The following CFAP46 variants were observed in gnomAD, a reference collection of about 807,000 sequenced individuals.
CFAP46 encodes cilia- and flagella-associated protein 46.
A neutral mutation model predicts 325.7 loss-of-function variants in CFAP46; 245 were observed. That is an observed-to-expected ratio of 0.75 (90% confidence interval 0.68 to 0.84). The LOEUF (loss-of-function observed/expected upper bound fraction) is 0.84, where lower values mean the gene tolerates loss of function less well. CFAP46 is among the 40% of genes least tolerant of loss of function. The pLI is 0.00. For synonymous variants in CFAP46, 1,523 were observed against 1,495.9 expected (o/e 1.02, Z -0.42); for missense variants, 3,346 against 3,543.0 (o/e 0.94, Z 1.41).
chr10:132,853,031 A>G (rs1043838572), intron 39 of CFAP46, among the ~76,000 whole-genome samples: 1 of 152,142 alleles, frequency 6.6e-6, no homozygotes, highest in African/African-American at 2.4e-5. Flanking sequence ...TCCAATCTGG[A>G]TGCTTTTAAT....
At chr10:132,811,596 C>T (rs1042228774) in intron 55 of CFAP46, among the ~76,000 whole-genome samples, 7 of 152,320 alleles carry the variant, frequency 4.6e-5, no homozygotes, top group Non-Finnish European at 7.4e-5. Flanking sequence ...CAACCCTGGG[C>T]GCTGCCCACT....
rs1054718625 is a variant in CFAP46 at position 132,832,588 on chromosome 10, T to C, written c.7117+770A>G. The C allele has an allele frequency of 2.8e-6, 1 of 351,622 alleles. No individual in the cohort carries two copies. The highest frequency in any genetic ancestry group is 2.1e-5 in the South Asian group (1 of 47,812). 21.8% of individuals were successfully genotyped at this position (351,622 alleles called of 1,614,324 possible). ...GAAGAACGAATCTGGTCCCTGTTACTTCATCTGAGATGGAAGCAAAAGTCC... is the reference window on the plus strand; with the variant it reads ...GAAGAACGAATCTGGTCCCTGTTACCTCATCTGAGATGGAAGCAAAAGTCC... On this transcript the variant is annotated intron_variant, in intron 50 of 57. Transcript: ENST00000368586. The surrounding 1 kb of genome is among the most constrained non-coding windows in gnomAD (Gnocchi z 4.1).
At chr10:132,875,029 C>T (rs144460909) in intron 31 of CFAP46, among the ~76,000 whole-genome samples, 22 of 152,184 alleles carry the variant, frequency 1.4e-4, no homozygotes, top group African/African-American at 5.3e-4. Flanking sequence ...AATCTACAGA[C>T]AAATTACTAA....
rs1848257095 is a variant in CFAP46 at position 132,836,823 on chromosome 10, CCT to C, written c.6528_6529del (p.Asp2178GlnfsTer62). On this transcript the variant is annotated frameshift_variant, in exon 45 of 58. Transcript: ENST00000368586. LOFTEE classifies it high-confidence loss of function. ...CAAGAAGGAGCGGCTTTACCTGTCC[CCT>C]GAGAGGTGCAGAAAGAGGATCCAAA... 1.9e-6 allele frequency: 3 copies of C among 1,613,434 alleles called. No individual in the cohort carries two copies. Among genetic ancestry groups the C allele is most frequent in the Non-Finnish European group, 2.5e-6 (3 of 1,179,744 alleles).
rs774102311 is a variant in CFAP46, at chr10:132,836,188, T to A, written c.6567A>T (p.Lys2189Asn). 109 of 1,608,628 alleles carry A rather than the reference T, an allele frequency of 6.8e-5. No individual in the cohort carries two copies. Among genetic ancestry groups the A allele is most frequent in the Non-Finnish European group, 9.1e-5 (107 of 1,178,844 alleles). ...CTTTGGCTGCAGTAATGAACTTGGG[T>A]TTCTCGTAGGCAGCGCCGTACAGAC... ...RSRLYGAAYE[K>N]PKFITAAKGK... The change falls in exon 46 of 58, where the codon AAA (lysine) becomes AAT (asparagine). Residue 2189 changes from lysine to asparagine, a missense_variant. Transcript: ENST00000368586.
chr10:132,909,703 C>T (rs1411078831), intron 20 of CFAP46, among the ~76,000 whole-genome samples: 17 of 152,256 alleles, frequency 1.1e-4, no homozygotes, highest in Non-Finnish European at 7.3e-5. Flanking sequence ...CCCAGCAGCT[C>T]ACAGACCCCG....
rs1202530853 is a variant in CFAP46, at chr10:132,877,884, C to T, written c.4209G>A (p.Lys1403=). 6.5e-7 allele frequency: 1 copy of T among 1,549,232 alleles called. No individual in the cohort carries two copies. Among genetic ancestry groups the T allele is most frequent in the South Asian group, 1.2e-5 (1 of 83,776 alleles). Residue 1403 remains lysine (K), a synonymous_variant, in exon 30 of 58, where the codon AAG becomes AAA. Coordinates refer to ENST00000368586, the MANE Select transcript of CFAP46 (RefSeq NM_001200049.3). This position sits in a 1 kb window ranked among gnomAD's most constrained non-coding sequence, Gnocchi z 5.7. ...KGKEEKVKEP[K]QSQSPAPIKQ... ...ACCGTGGCCACTTGGGCATCACCTG[C>T]TTGGGCTCCTTGACTTTCTCCTCCT...
rs149179256 is a variant in CFAP46, at chr10:132,828,843, C to A, written c.7117+4515G>T. Reference sequence around the variant, plus strand: ...GCCACTCATGGAGATGCCCTTCCTCCGCTCAGCGTCCTCGTCCCTTTGCCA... The same window carrying A: ...GCCACTCATGGAGATGCCCTTCCTCAGCTCAGCGTCCTCGTCCCTTTGCCA... On this transcript the variant is annotated intron_variant, in intron 50 of 57. Transcript: ENST00000368586. This position sits in a 1 kb window ranked among gnomAD's most constrained non-coding sequence, Gnocchi z 4.9. 6.6e-6 allele frequency among the ~76,000 whole-genome samples: 1 copy of A among 152,100 alleles called. No homozygotes were observed. Among genetic ancestry groups the A allele is most frequent in the Non-Finnish European group, 1.5e-5 (1 of 68,024 alleles).
rs1234283170 is a variant in CFAP46 at position 132,866,726 on chromosome 10, C to A, written c.4744-555G>T. On this transcript the variant is annotated intron_variant, in intron 34 of 57. Coordinates refer to ENST00000368586, the MANE Select transcript of CFAP46 (RefSeq NM_001200049.3). Reference sequence around the variant, plus strand: ...TTCTGGATCCAGGTCCTGTGCTGAGCCCCTGTCCTGTCCTGACTGCCAGGT... The same window carrying A: ...TTCTGGATCCAGGTCCTGTGCTGAGACCCTGTCCTGTCCTGACTGCCAGGT... Among the ~76,000 whole-genome samples, 3 of 152,222 alleles carry A rather than the reference C, an allele frequency of 2.0e-5. No homozygotes were observed. In the South Asian group the frequency reaches 6.2e-4, roughly 31 times the overall value.
In CFAP46 at chr10:132,833,589, G is replaced by A. The variant is rs1021126706; in HGVS notation, c.6950-64C>T. 5.2e-6 allele frequency: 8 copies of A among 1,542,408 alleles called. No individual in the cohort carries two copies. In the Admixed American group the frequency reaches 1.5e-4, roughly 29 times the overall value. ...CGGGACCCCTCCCACGGGGTCGCAG[G>A]GCTCCGTCTTCTGACTTGGCTGCTG... On this transcript the variant is annotated intron_variant, in intron 49 of 57. Transcript: ENST00000368586.
At chr10:132,892,695 C>G (rs1235133330) in intron 24 of CFAP46, among the ~76,000 whole-genome samples, 1 of 152,224 alleles carries the variant, frequency 6.6e-6, no homozygotes, top group Non-Finnish European at 1.5e-5. Flanking sequence ...TAAAAACCCA[C>G]TTGGAACTGC....
intron 44 of CFAP46, among the ~76,000 whole-genome samples, chr10:132,839,829 A>C (rs1196484205): frequency 6.6e-6 from 1 of 152,190 alleles, no homozygotes; most frequent in African/African-American, 2.4e-5. Flanking sequence ...ATATTGAACC[A>C]CATGGAACAC....
At chr10:132,811,172 G>A in intron 55 of CFAP46, 141 bp from the exon 56 acceptor site, 3 of 725,122 alleles carry the variant, frequency 4.1e-6, no homozygotes, top group Non-Finnish European at 6.9e-6. Flanking sequence ...CCGACCTCAT[G>A]ACCGTCAGGT....
rs766834466 is a variant in CFAP46 at position 132,847,262 on chromosome 10, G to A, written c.6012C>T (p.Ala2004=). 1 of 1,613,488 alleles carries A rather than the reference G, an allele frequency of 6.2e-7. No individual in the cohort carries two copies. The highest frequency in any genetic ancestry group is 1.1e-5 in the South Asian group (1 of 91,072). Residue 2004 remains alanine (A), a synonymous_variant, in exon 42 of 58, where the codon GCC becomes GCT. Coordinates refer to ENST00000368586, the MANE Select transcript of CFAP46 (RefSeq NM_001200049.3). This position sits in a 1 kb window ranked among gnomAD's most constrained non-coding sequence, Gnocchi z 5.2. ...CCGGCGGGTCCCTGCTGGACTTTGTGGCACCCTCTTCCTCTACCTCCAGCT... is the reference window on the plus strand; with the variant it reads ...CCGGCGGGTCCCTGCTGGACTTTGTAGCACCCTCTTCCTCTACCTCCAGCT... ...SLELEVEEEG[A]TKSSRDPPAS...
intron 39 of CFAP46, 114 bp downstream of exon 39, chr10:132,857,476 T>A (rs923297207): frequency 9.7e-7 from 1 of 1,028,314 alleles, no homozygotes; most frequent in Non-Finnish European, 1.4e-6. Context: ...CTGATCCCTG[T>A]TATTCCATTT....
rs557215238 is a variant in CFAP46 at position 132,846,685 on chromosome 10, C to T, written c.6267+247G>A. Among the ~76,000 whole-genome samples the T allele has an allele frequency of 6.6e-5, 10 of 152,174 alleles. No homozygotes were observed. The East Asian group carries it at 1.9e-3, about 29-fold the overall frequency. ...CTCTGTGAGGTCCGCATGGACGGGG[C>T]CCTGCTGGCCTGTGACTGCCAGGTC... On this transcript the variant is annotated intron_variant, in intron 43 of 57. Transcript: ENST00000368586.
In CFAP46 at chr10:132,942,493, C is replaced by T. The variant is rs1286691218; in HGVS notation, c.-9G>A. 1 of 1,275,610 alleles carries T rather than the reference C, an allele frequency of 7.8e-7. No individual in the cohort carries two copies. The highest frequency in any genetic ancestry group is 9.9e-7 in the Non-Finnish European group (1 of 1,012,704). 79.0% of individuals were successfully genotyped at this position (1,275,610 alleles called of 1,614,324 possible). A position where few individuals can be genotyped will look rare whatever the true frequency, so the allele number is the denominator to read the frequency against. On this transcript the variant is annotated 5_prime_UTR_variant, in exon 1 of 58. Coordinates refer to ENST00000368586, the MANE Select transcript of CFAP46 (RefSeq NM_001200049.3). ...GTGATGACCAGGTCCATGGCGCCGG[C>T]GCCCTGCTCGTCCGCTCTCTCCGGG...
At chr10:132,915,213 C>T (rs1447188070) in intron 17 of CFAP46, among the ~76,000 whole-genome samples, 3 of 152,286 alleles carry the variant, frequency 2.0e-5, no homozygotes, top group African/African-American at 7.2e-5. Context: ...AATTTTCAGA[C>T]CCTCCTCTGT....
chr10:132,880,424 G>C (rs1849021988), intron 28 of CFAP46, among the ~76,000 whole-genome samples: 1 of 152,248 alleles, frequency 6.6e-6, no homozygotes, highest in African/African-American at 2.4e-5. Context: ...CTGGAGAATG[G>C]AGCCCCCACC....
Sources: gnomAD v4.1 joint callset for allele counts (sites outside exome capture counted in the v4.1 genomes callset) on GRCh38, gnomAD v4.1.1 for gene constraint, Gnocchi (gnomAD v3.1) non-coding constraint, MANE v1.5 for transcripts, NCBI Gene and HGNC (gene_info 2026-07-23, HGNC 2026-07-21) for gene names.